The following ADAMTSL1 variants were observed in gnomAD, a reference collection of about 807,000 sequenced individuals.
The protein encoded by ADAMTSL1 is ADAMTS-like protein 1.
Under a neutral mutation model 201.8 loss-of-function variants are expected in ADAMTSL1, and 126 were observed. The observed-to-expected ratio is 0.62, with a 90% CI of 0.54 to 0.72. The LOEUF is 0.72. Among genes scored for constraint, ADAMTSL1 ranks in the 30% least tolerant of loss-of-function variants. The pLI, the probability that ADAMTSL1 is intolerant of heterozygous loss-of-function variation, is 0.00. For synonymous variants in ADAMTSL1, 1,121 were observed against 903.4 expected (o/e 1.24, Z -4.32); for missense variants, 2,679 against 2,277.8 (o/e 1.18, Z -3.59).
intron 4 of ADAMTSL1, among the ~76,000 whole-genome samples, chr9:18,603,566 A>G (rs1824811629): frequency 6.6e-6 from 1 of 152,214 alleles, no homozygotes. Flanking sequence ...CAGAGGCATC[A>G]TTCCATACCT....
At chr9:18,267,272 C>T (rs189354785) in intron 2 of ADAMTSL1, among the ~76,000 whole-genome samples, 16 of 152,220 alleles carry the variant, frequency 1.1e-4, no homozygotes, top group Admixed American at 3.3e-4. Context: ...CGATTTCTTA[C>T]TTCATAGTAT....
At chr9:18,080,745 T>A (rs1333820196) in intron 1 of ADAMTSL1, among the ~76,000 whole-genome samples, 3 of 152,260 alleles carry the variant, frequency 2.0e-5, no homozygotes. Flanking sequence ...CTAAGTGATT[T>A]GCCTAAGTAG....
At chr9:17,941,440 G>A (rs1827233835) in intron 1 of ADAMTSL1, among the ~76,000 whole-genome samples, 1 of 152,040 alleles carries the variant, frequency 6.6e-6, no homozygotes, top group Non-Finnish European at 1.5e-5. Context: ...TTTCTTAATT[G>A]AGGAGACCAT....
At chr9:18,044,907 T>G (rs189192634) in intron 1 of ADAMTSL1, among the ~76,000 whole-genome samples, 2 of 152,172 alleles carry the variant, frequency 1.3e-5, no homozygotes, top group Non-Finnish European at 2.9e-5. Context: ...GTTTTATTCT[T>G]TTTCAATTAC....
intron 14 of ADAMTSL1, among the ~76,000 whole-genome samples, chr9:18,719,331 CT>C (rs1207115997): frequency 6.6e-6 from 1 of 152,084 alleles, no homozygotes; most frequent in Non-Finnish European, 1.5e-5. Flanking sequence ...TATTGTGATT[CT>C]TTTTTTATTT....
At chr9:18,175,484 C>T (rs1174224886) in intron 2 of ADAMTSL1, among the ~76,000 whole-genome samples, 2 of 152,188 alleles carry the variant, frequency 1.3e-5, no homozygotes, top group African/African-American at 4.8e-5. Context: ...ATTCCTGAAA[C>T]ACAATTTAAC....
At chr9:18,674,417 C>G (rs2133118241) in intron 9 of ADAMTSL1, among the ~76,000 whole-genome samples, 1 of 152,042 alleles carries the variant, frequency 6.6e-6, no homozygotes, top group East Asian at 1.9e-4. Flanking sequence ...TCTCATGTAT[C>G]CCCTAACCTT....
chr9:18,100,006 A>G (rs765286037), intron 1 of ADAMTSL1, among the ~76,000 whole-genome samples: 2 of 152,044 alleles, frequency 1.3e-5, no homozygotes, highest in Non-Finnish European at 2.9e-5. Flanking sequence ...TGATATAATT[A>G]TTCTTCTTAA....
upstream of ADAMTSL1, among the ~76,000 whole-genome samples, chr9:18,473,583 T>C (rs968722166): frequency 1.3e-5 from 2 of 152,106 alleles, no homozygotes; most frequent in African/African-American, 4.8e-5. Context: ...ATTTTGCAAG[T>C]CAAGAGAGAA....
At chr9:18,399,486 C>T (rs116811899) in intron 2 of ADAMTSL1, among the ~76,000 whole-genome samples, 1,767 of 146,646 alleles carry the variant, frequency 0.012, 39 homozygotes, top group African/African-American at 0.042. Context: ...GGATTACAGA[C>T]GCGTGTCACC....
At chr9:17,907,739 G>C (rs900572095) in intron 1 of ADAMTSL1, among the ~76,000 whole-genome samples, 1 of 152,148 alleles carries the variant, frequency 6.6e-6, no homozygotes, top group Non-Finnish European at 1.5e-5. Context: ...AAGAGGGCAG[G>C]GGTCCAGGGT....
chr9:18,478,859 T>A (rs949735044), intron 1 of ADAMTSL1, among the ~76,000 whole-genome samples: 3 of 152,320 alleles, frequency 2.0e-5, no homozygotes, highest in African/African-American at 7.2e-5. Context: ...CTTTCTTCTT[T>A]TAGAGAGCTG....
intron 1 of ADAMTSL1, among the ~76,000 whole-genome samples, chr9:18,130,026 C>T (rs1281179334): frequency 6.6e-6 from 1 of 152,164 alleles, no homozygotes; most frequent in Non-Finnish European, 1.5e-5. Context: ...TGTTCCTGAG[C>T]TCAAGTTGCA....
intron 1 of ADAMTSL1, among the ~76,000 whole-genome samples, chr9:18,494,857 C>G (rs1822451192): frequency 6.6e-6 from 1 of 152,160 alleles, no homozygotes; most frequent in East Asian, 1.9e-4. Context: ...TAGGTCCCAT[C>G]AGCTTTAGGC....
At chr9:18,563,845 G>C (rs919507951) in intron 3 of ADAMTSL1, among the ~76,000 whole-genome samples, 3 of 152,166 alleles carry the variant, frequency 2.0e-5, no homozygotes, top group Non-Finnish European at 4.4e-5. Flanking sequence ...CCTTGGTAAT[G>C]GTGGACGCCC....
intron 14 of ADAMTSL1, 76 bp from the exon 15 acceptor site, chr9:18,721,460 G>C: frequency 1.9e-6 from 3 of 1,567,474 alleles, no homozygotes; most frequent in Middle Eastern, 4.2e-4. Context: ...CCCACCAGCT[G>C]CCTTGTCTAC....
intron 15 of ADAMTSL1, among the ~76,000 whole-genome samples, chr9:18,734,864 A>G (rs1430470408): frequency 6.6e-6 from 1 of 152,188 alleles, no homozygotes; most frequent in African/African-American, 2.4e-5. Context: ...TGTGCCTTCC[A>G]TCCCCTTTCA....
At chr9:17,934,879 C>T (rs1163246017) in intron 1 of ADAMTSL1, among the ~76,000 whole-genome samples, 2 of 142,652 alleles carry the variant, frequency 1.4e-5, no homozygotes, top group Non-Finnish European at 3.0e-5. Context: ...AATTCTTCCC[C>T]TCTTTCTGCA....
intron 13 of ADAMTSL1, among the ~76,000 whole-genome samples, chr9:18,685,110 A>T (rs1830746286): frequency 6.6e-6 from 1 of 152,234 alleles, no homozygotes; most frequent in Non-Finnish European, 1.5e-5. Context: ...GCTGCAGCTG[A>T]TGATATAACA....
Sources: allele counts gnomAD v4.1 joint callset (sites outside exome capture counted in the v4.1 genomes callset), GRCh38; gene constraint gnomAD v4.1.1; transcripts MANE v1.5; gene names NCBI Gene and HGNC (gene_info 2026-07-23, HGNC 2026-07-21).